Variants in MAX observed in about 807,000 individuals in gnomAD.
The protein encoded by MAX is MYC associated transcriptional regulator X.
MAX carries 3 observed loss-of-function variants against 22.3 expected under a neutral mutation model. The ratio of observed to expected loss-of-function variants is 0.13; its 90% confidence interval spans 0.06 to 0.35. MAX has a LOEUF of 0.35. Ranked by LOEUF, MAX falls within the 10% of genes least tolerant of loss-of-function variation. MAX has a pLI of 1.00. For missense variants in MAX, 119 were observed against 209.4 expected (o/e 0.57, Z 2.66); for synonymous variants, 72 against 77.7 (o/e 0.93, Z 0.39).
In MAX at chr14:65,044,729, A is replaced by G. The variant is rs2062436864; in HGVS notation, c.172-38445T>C. 4.7e-6 allele frequency: 2 copies of G among 427,362 alleles called. No homozygotes were observed. Among genetic ancestry groups the G allele is most frequent in the Non-Finnish European group, 8.2e-6 (2 of 244,428 alleles). 26.5% of individuals were successfully genotyped at this position (427,362 alleles called of 1,614,324 possible). ...AGGAAGTGGGCGCTGCTTCTGCGTT[A>G]TCTGGAAGGAGCAGCCCACTCCTGT... On this transcript the variant is annotated intron_variant, in intron 3 of 3. Transcript: ENST00000341653. The surrounding 1 kb of genome is among the most constrained non-coding windows in gnomAD (Gnocchi z 5.5).
At chr14:65,021,954 C>G (rs1236744831) in intron 3 of MAX, 1 of 455,954 alleles carries the variant, frequency 2.2e-6, no homozygotes, top group Admixed American at 2.4e-5. Flanking sequence ...CCTATAGTAG[C>G]CAACTTTCGA....
In MAX at chr14:65,084,835, A is replaced by G. The variant is rs1235846710; in HGVS notation, c.172-6799T>C. 2.6e-5 allele frequency among the ~76,000 whole-genome samples: 4 copies of G among 152,192 alleles called. No individual in the cohort carries two copies. Among genetic ancestry groups the G allele is most frequent in the Non-Finnish European group, 5.9e-5 (4 of 68,038 alleles). ...AAGGAATACACAAATTGATAACACT[A>G]TATTTCCTTGCTTGTTAGACTCCAT... On this transcript the variant is annotated intron_variant, in intron 3 of 4. Coordinates refer to ENST00000358664, the MANE Select transcript of MAX (RefSeq NM_002382.5). The surrounding 1 kb of genome is among the most constrained non-coding windows in gnomAD (Gnocchi z 4.3).
intron 3 of MAX, among the ~76,000 whole-genome samples, chr14:65,010,081 C>T (rs1434886169): frequency 6.6e-6 from 1 of 152,202 alleles, no homozygotes; most frequent in South Asian, 2.1e-4. Flanking sequence ...TTGGAGGTCT[C>T]TAGCCCTTCT....
At chr14:65,058,230 T>A (rs973646477) in intron 3 of MAX, among the ~76,000 whole-genome samples, 11 of 151,964 alleles carry the variant, frequency 7.2e-5, no homozygotes, top group South Asian at 2.1e-4. Flanking sequence ...GTGTTTTTTT[T>A]ATAATTTTTT....
intron 3 of MAX, chr14:65,006,327 T>C: frequency 1.2e-6 from 2 of 1,608,794 alleles, no homozygotes; most frequent in South Asian, 1.1e-5. Context: ...ACTAGTATAG[T>C]CTTTCCCTTA....
chr14:65,020,836 A>G (rs548278061), intron 3 of MAX, among the ~76,000 whole-genome samples: 1 of 148,068 alleles, frequency 6.8e-6, no homozygotes, highest in South Asian at 2.1e-4. Context: ...GGTTCAAGTG[A>G]TTCTCCTGCC....
chr14:65,035,447 C>T (rs932307979), intron 3 of MAX, among the ~76,000 whole-genome samples: 2 of 152,174 alleles, frequency 1.3e-5, no homozygotes, highest in Admixed American at 6.5e-5. Flanking sequence ...AGACTAGATA[C>T]GGAACTCAGA....
chr14:65,027,953 C>G lies in MAX; in HGVS notation c.172-21669G>C, dbSNP rs2062013979. Among the ~76,000 whole-genome samples the G allele has an allele frequency of 6.6e-6, 1 of 152,140 alleles. No homozygotes were observed. The highest frequency in any genetic ancestry group is 2.4e-5 in the African/African-American group (1 of 41,418). On this transcript the variant is annotated intron_variant, in intron 3 of 3. Coordinates refer to the MAX transcript ENST00000341653. The surrounding 1 kb of genome is among the most constrained non-coding windows in gnomAD (Gnocchi z 5.7). ...ATCATTCAGATGTGATGCAGATGTC[C>G]TCAGGTGTCATGATCACTTGACTTA...
intron 3 of MAX, among the ~76,000 whole-genome samples, chr14:65,037,744 A>ATTTATTT (rs2062239625): frequency 1.7e-5 from 1 of 59,008 alleles, no homozygotes; most frequent in African/African-American, 7.2e-5. Flanking sequence ...TTTATTTATT[A>ATTTATTT]TTTATTTATT....
rs757474346 is a variant in MAX at position 65,012,384 on chromosome 14, T to G, written c.172-6100A>C. On this transcript the variant is annotated intron_variant, in intron 3 of 3. Coordinates refer to the MAX transcript ENST00000341653. This position sits in a 1 kb window ranked among gnomAD's most constrained non-coding sequence, Gnocchi z 5.0. ...AGGCCTTCGACAACTGACAGATGCC[T>G]ATGAGGTAAACACATTACCCAGGAA... is the stretch of plus-strand genomic sequence containing the variant. 1 of 1,614,170 alleles carries G rather than the reference T, an allele frequency of 6.2e-7. No individual in the cohort carries two copies. The highest frequency in any genetic ancestry group is 8.5e-7 in the Non-Finnish European group (1 of 1,179,972).
At chr14:65,095,566 T>A (rs2139905317) in intron 2 of MAX, among the ~76,000 whole-genome samples, 1 of 152,344 alleles carries the variant, frequency 6.6e-6, no homozygotes. Context: ...TCTGATCATC[T>A]ACATAAAGAT....
At chr14:65,066,746 C>T (rs1157634648) in intron 3 of MAX, among the ~76,000 whole-genome samples, 2 of 150,754 alleles carry the variant, frequency 1.3e-5, no homozygotes, top group East Asian at 1.9e-4. Context: ...CCTAGCTACT[C>T]GGGAGGCTTA....
intron 3 of MAX, chr14:65,015,550 A>G (rs766038473): frequency 6.5e-6 from 10 of 1,530,496 alleles, no homozygotes; most frequent in Non-Finnish European, 9.0e-6. Context: ...TGGGAGTGAG[A>G]CAGATACAGC....
In MAX at chr14:65,078,203, A is replaced by AT. The variant is rs534941322; in HGVS notation, c.172-168dup. ...TACTGTAGGCTTTATTTATTTATTT[A>AT]TTTTTTTATTTTTTTGAGACAGAGT... On this transcript the variant is annotated intron_variant, in intron 3 of 4. Transcript: ENST00000358664. This position sits in a 1 kb window ranked among gnomAD's most constrained non-coding sequence, Gnocchi z 6.4. 2.8e-5 allele frequency among the ~76,000 whole-genome samples: 4 copies of AT among 144,684 alleles called. No individual in the cohort carries two copies. Among genetic ancestry groups the AT allele is most frequent in the South Asian group, 2.2e-4 (1 of 4,560 alleles). The allele number at this position is 144,684 out of a possible 152,430, so 94.9% of individuals were successfully genotyped here. A position where few individuals can be genotyped will look rare whatever the true frequency, so the allele number is the denominator to read the frequency against.
rs34742770 is a variant in MAX at position 65,093,306 on chromosome 14, TA to T, written c.171+401del. ...CATTTCTGCAAGTGCTCATTTACAATAAAGTATTAACTTTGAACCATAGGAA... is the reference window on the plus strand; with the variant it reads ...CATTTCTGCAAGTGCTCATTTACAATAAGTATTAACTTTGAACCATAGGAA... On this transcript the variant is annotated intron_variant, in intron 3 of 4. Coordinates refer to ENST00000358664, the MANE Select transcript of MAX (RefSeq NM_002382.5). The surrounding 1 kb of genome is among the most constrained non-coding windows in gnomAD (Gnocchi z 4.4). Among the ~76,000 whole-genome samples the T allele has an allele frequency of 0.5, 76,112 of 151,942 alleles. 21,526 individuals are homozygous for T. Among genetic ancestry groups the T allele is most frequent in the African/African-American group, 0.79 (32,615 of 41,416 alleles).
chr14:65,037,379 AG>A (rs1206815512), intron 3 of MAX, among the ~76,000 whole-genome samples: 3 of 112,932 alleles, frequency 2.7e-5, no homozygotes, highest in Non-Finnish European at 5.0e-5. Context: ...CTGAGATTAT[AG>A]GCGTGAGCCA....
At chr14:65,022,001 C>T (rs1364862291) in intron 3 of MAX, 2 of 456,042 alleles carry the variant, frequency 4.4e-6, no homozygotes, top group South Asian at 3.1e-5. Context: ...CATCCAGAGA[C>T]TTGCCGGTGC....
In MAX at chr14:65,067,984, A is replaced by G. The variant is rs147738213; in HGVS notation, c.171+25724T>C. Among the ~76,000 whole-genome samples, 137 of 152,166 alleles carry G rather than the reference A, an allele frequency of 9.0e-4. 1 individual carries two copies. Among genetic ancestry groups the G allele is most frequent in the African/African-American group, 3.2e-3 (134 of 41,518 alleles). ...GCCACAGAGGTAAAGTACCATTCTC[A>G]TCACACATCAAGGATACATACTATC... On this transcript the variant is annotated intron_variant, in intron 3 of 3. Coordinates refer to the MAX transcript ENST00000341653.
chr14:65,034,652 A>G (rs2062151273), intron 3 of MAX, among the ~76,000 whole-genome samples: 2 of 151,974 alleles, frequency 1.3e-5, no homozygotes, highest in South Asian at 2.1e-4. Flanking sequence ...GTTCTCTTTT[A>G]TATTTTGTGT....
Sources: gnomAD v4.1 joint callset for allele counts (sites outside exome capture counted in the v4.1 genomes callset) on GRCh38, gnomAD v4.1.1 for gene constraint, Gnocchi (gnomAD v3.1) non-coding constraint, MANE v1.5 for transcripts, NCBI Gene and HGNC (gene_info 2026-07-23, HGNC 2026-07-21) for gene names.